CEP170B: variants seen among roughly 807,000 people sequenced by gnomAD.
CEP170B encodes the protein centrosomal protein 170B, also known as centrosomal protein of 170 kDa protein B.
CEP170B carries 55 observed loss-of-function variants against 120.6 expected under a neutral mutation model. The observed-to-expected ratio is 0.46, with a 90% CI of 0.37 to 0.57. The LOEUF (loss-of-function observed/expected upper bound fraction) is 0.57. Ranked by LOEUF, CEP170B falls within the 20% of genes least tolerant of loss-of-function variation. CEP170B has a pLI of 0.00. For synonymous variants in CEP170B, 1,033 were observed against 954.5 expected (o/e 1.08, Z -1.52); for missense variants, 2,212 against 2,253.3 (o/e 0.98, Z 0.37).
chr14:104,872,172 T>TGC (rs1895528230), intron 2 of CEP170B, among the ~76,000 whole-genome samples: 2 of 146,706 alleles, frequency 1.4e-5, no homozygotes, highest in South Asian at 2.2e-4. Context: ...GCCGCGTGTG[T>TGC]GTGCGTGTGT....
chr14:104,893,155 A>G lies in CEP170B; in HGVS notation c.4038+20A>G, dbSNP rs774231972. On this transcript the variant is annotated intron_variant, in intron 14 of 18. Transcript: ENST00000414716. ...GAGGAGGTGAGCCCCAGGCTTTCTG[A>G]GGCCCCTGTGCCAGAGCCACCCTCG... The G allele has an allele frequency of 6.9e-6, 11 of 1,601,242 alleles. No individual in the cohort carries two copies. The Admixed American group carries it at 1.7e-4, about 25-fold the overall frequency.
At chr14:104,876,035 C>T (rs992712368) in intron 2 of CEP170B, among the ~76,000 whole-genome samples, 2 of 151,922 alleles carry the variant, frequency 1.3e-5, no homozygotes, top group Non-Finnish European at 2.9e-5. Flanking sequence ...GGAGGGCGGT[C>T]ATGAGGGGAG....
chr14:104,892,218 C>T (rs1356232440), intron 13 of CEP170B, among the ~76,000 whole-genome samples: 2 of 152,134 alleles, frequency 1.3e-5, no homozygotes, highest in African/African-American at 4.8e-5. Context: ...AAGGGGCCAG[C>T]AGGACAGCTG....
In CEP170B at chr14:104,870,264, A is replaced by G. The variant is rs762807346; in HGVS notation, c.105+1709A>G. Among the ~76,000 whole-genome samples, 16 of 152,182 alleles carry G rather than the reference A, an allele frequency of 1.1e-4. No individual in the cohort carries two copies. Among genetic ancestry groups the G allele is most frequent in the Admixed American group, 1.3e-4 (2 of 15,288 alleles). ...TTCATTTATGGATGTTGAAGTATCA[A>G]TTTCCCATAATTTTCATGTGTCATG... On this transcript the variant is annotated intron_variant, in intron 2 of 18. Transcript: ENST00000414716. This position sits in a 1 kb window ranked among gnomAD's most constrained non-coding sequence, Gnocchi z 4.1.
intron 8 of CEP170B, 125 bp from the exon 9 acceptor site, chr14:104,883,704 TGG>T (rs145529614): frequency 1.8e-6 from 2 of 1,121,858 alleles, no homozygotes; most frequent in East Asian, 2.6e-5. Flanking sequence ...TTGCCCTGTG[TGG>T]GGGGGCCCTG....
intron 13 of CEP170B, among the ~76,000 whole-genome samples, chr14:104,892,068 G>A (rs1896876230): frequency 1.3e-5 from 2 of 152,240 alleles, no homozygotes; most frequent in South Asian, 4.1e-4. Context: ...TTGGGTGACT[G>A]CCAGTGTGGG....
In CEP170B at chr14:104,870,214, G is replaced by A. The variant is rs1261430005; in HGVS notation, c.105+1659G>A. Among the ~76,000 whole-genome samples, 1 of 152,218 alleles carries A rather than the reference G, an allele frequency of 6.6e-6. No homozygotes were observed. Among genetic ancestry groups the A allele is most frequent in the Non-Finnish European group, 1.5e-5 (1 of 68,040 alleles). On this transcript the variant is annotated intron_variant, in intron 2 of 18. Transcript: ENST00000414716. The surrounding 1 kb of genome is among the most constrained non-coding windows in gnomAD (Gnocchi z 4.1). ...AGCCAGGGAGCGAGCGTGGGCGACC[G>A]AGGTGGGCGCGGCAGCACCTGCACT...
chr14:104,886,072 G>C lies in CEP170B; in HGVS notation c.1977G>C (p.Gln659His), dbSNP rs1239988181. 1 of 1,546,686 alleles carries C rather than the reference G, an allele frequency of 6.5e-7. No individual in the cohort carries two copies. The highest frequency in any genetic ancestry group is 2.0e-5 in the Admixed American group (1 of 50,730). The change falls in exon 11 of 19, where the codon CAG (glutamine) becomes CAC (histidine). Residue 659 changes from glutamine (Q) to histidine (H), a missense_variant. Coordinates refer to ENST00000414716, the MANE Select transcript of CEP170B (RefSeq NM_001112726.3). ...GLPVPGSPGG[Q>H]KWVSRWASLA... The stretch of plus-strand genomic sequence containing the variant: ...CGGTGCCGGGCTCCCCTGGGGGTCA[G>C]AAGTGGGTGTCCCGCTGGGCCAGCC...
chr14:104,890,700 G>A, intron 13 of CEP170B, among the ~76,000 whole-genome samples: 1 of 65,906 alleles, frequency 1.5e-5, no homozygotes, highest in Non-Finnish European at 4.2e-5. Context: ...GTGGGTGGGT[G>A]GATGGATGGA....
At position 104,884,222 on chromosome 14, in the gene CEP170B, C is replaced by T. The variant is rs754795299; in HGVS notation, c.1443C>T (p.Pro481=). ...KTEERLGSPS[P]ASRTPARPFG... is the part of the protein sequence containing the mutation. Reference sequence around the variant, plus strand: ...AGGAACGGCTGGGCAGCCCCTCGCCCGCCTCCCGAACCCCTGCCCGCCCCT... The same window carrying T: ...AGGAACGGCTGGGCAGCCCCTCGCCTGCCTCCCGAACCCCTGCCCGCCCCT... Residue 481 remains proline, a synonymous_variant, in exon 9 of 19, where the codon CCC becomes CCT. Coordinates refer to ENST00000414716, the MANE Select transcript of CEP170B (RefSeq NM_001112726.3). The T allele has an allele frequency of 4.6e-5, 71 of 1,542,828 alleles. No homozygotes were observed. Among genetic ancestry groups the T allele is most frequent in the Middle Eastern group, 1.7e-4 (1 of 5,850 alleles).
Position 104,883,896 on chromosome 14 carries a change from G to A in CEP170B, c.1117G>A (p.Ala373Thr), listed in dbSNP as rs756546936. The change falls in exon 9 of 19, where the codon GCT becomes ACT. Residue 373 changes from alanine (A) to threonine (T), a missense_variant. By Grantham distance (58) the Ala-to-Thr change is moderately conservative. Transcript: ENST00000414716. ...CCCCCTGGCCAAGGCGGCCTCGGCCGCTGGGGTGCCCTTGGAGGCCAGCGG... is the reference window on the plus strand; with the variant it reads ...CCCCCTGGCCAAGGCGGCCTCGGCCACTGGGGTGCCCTTGGAGGCCAGCGG... ...EDPLAKAASA[A>T]GVPLEASGEQ... is the part of the protein sequence containing the mutation. 273 of 1,587,966 alleles carry A rather than the reference G, an allele frequency of 1.7e-4. No individual in the cohort carries two copies. The Admixed American group carries it at 2.9e-3, about 17-fold the overall frequency.
chr14:104,878,607 T>G, intron 5 of CEP170B, 106 bp downstream of exon 5: 2 of 1,242,140 alleles, frequency 1.6e-6, no homozygotes, highest in Non-Finnish European at 2.3e-6. Flanking sequence ...ACCAGGCCTC[T>G]GGGGCGCCCT....
chr14:104,883,244 G>T lies in CEP170B; in HGVS notation c.787G>T (p.Val263Leu), dbSNP rs1382160290. 3 of 1,611,284 alleles carry T rather than the reference G, an allele frequency of 1.9e-6. No individual in the cohort carries two copies. Among genetic ancestry groups the T allele is most frequent in the Non-Finnish European group, 2.5e-6 (3 of 1,179,582 alleles). ...EAGGGGAAPV[V>L]QSHASFTIEF... Reference sequence around the variant, plus strand: ...AGGTGGGGGCGGAGCGGCCCCTGTGGTGCAGAGCCACGCCTCCTTCACCAT... The same window carrying T: ...AGGTGGGGGCGGAGCGGCCCCTGTGTTGCAGAGCCACGCCTCCTTCACCAT... The change falls in exon 8 of 19, where the codon GTG becomes TTG. Residue 263 changes from valine (V) to leucine (L), a missense_variant. Val to Leu is a conservative substitution (Grantham distance 32). Around this residue, in one of 2 missense-constraint regions of CEP170B, gnomAD observed 2,166 missense variants for 2,166.7 expected, o/e 1.00. Coordinates refer to ENST00000414716, the MANE Select transcript of CEP170B (RefSeq NM_001112726.3).
In CEP170B at chr14:104,886,331, C is replaced by T. The variant is rs751628997; in HGVS notation, c.2092C>T (p.Arg698Trp). Residue 698 changes from arginine to tryptophan, a missense_variant, in exon 12 of 19, where the codon CGG (arginine) becomes TGG (tryptophan). Arg to Trp is a moderately radical substitution (Grantham distance 101). Transcript: ENST00000414716. Reference sequence around the variant, plus strand: ...GGAGGGGTCCCTGCCTGTGCGCATGCGGCGACGGCTCCCTCAGCTGCCCAG... The same window carrying T: ...GGAGGGGTCCCTGCCTGTGCGCATGTGGCGACGGCTCCCTCAGCTGCCCAG... ...EPEGSLPVRM[R>W]RRLPQLPSER... 1.1e-5 allele frequency: 17 copies of T among 1,555,910 alleles called. No homozygotes were observed. Among genetic ancestry groups the T allele is most frequent in the African/African-American group, 8.1e-5 (6 of 73,844 alleles).
rs555048969 is a variant in CEP170B at position 104,895,902 on chromosome 14, C to T, written c.*944C>T. 3 of 152,860 alleles carry T rather than the reference C, an allele frequency of 2.0e-5. No homozygotes were observed. The East Asian group carries it at 5.8e-4, about 29-fold the overall frequency. 9.5% of individuals were successfully genotyped at this position (152,860 alleles called of 1,614,324 possible). ...ACCACACGCCCTCCCCTTTTGGCTT[C>T]ACGCCATCAGGCCTCAAGTGGGCAT... is the stretch of plus-strand genomic sequence containing the variant. On this transcript the variant is annotated 3_prime_UTR_variant, in exon 19 of 19. Coordinates refer to ENST00000414716, the MANE Select transcript of CEP170B (RefSeq NM_001112726.3).
chr14:104,885,858 C>T (rs1464662491), intron 10 of CEP170B, among the ~76,000 whole-genome samples, 182 bp from the exon 11 acceptor site: 3 of 152,220 alleles, frequency 2.0e-5, no homozygotes, highest in Admixed American at 2.0e-4. Context: ...CAAGTCCAGG[C>T]GAGGCAACTG....
chr14:104,883,430 C>T lies in CEP170B; in HGVS notation c.973C>T (p.Leu325=), dbSNP rs1240969402. 2.5e-6 allele frequency: 4 copies of T among 1,569,936 alleles called. No individual in the cohort carries two copies. Among genetic ancestry groups the T allele is most frequent in the Admixed American group, 3.8e-5 (2 of 53,214 alleles). ...CTGGCTGGTGCAGAATGACCCGAGC[C>T]TGCTGCACCGGGTTGGCCCTGGGGA... The part of the protein sequence containing the change: ...ADWLVQNDPS[L]LHRVGPGDDR... The change falls in exon 8 of 19, where the codon CTG becomes TTG. Residue 325 remains leucine, a synonymous_variant. Coordinates refer to ENST00000414716, the MANE Select transcript of CEP170B (RefSeq NM_001112726.3).
At position 104,867,845 on chromosome 14, in the gene CEP170B, T is replaced by G. The variant is rs1895273008; in HGVS notation, c.-27-579T>G. 6.6e-6 allele frequency among the ~76,000 whole-genome samples: 1 copy of G among 152,020 alleles called. No homozygotes were observed. Among genetic ancestry groups the G allele is most frequent in the South Asian group, 2.1e-4 (1 of 4,802 alleles). ...CAAAGGACATTTGGCCTCCTCTCGG[T>G]GGTGGACATATTGCTGACTCAGGGC... On this transcript the variant is annotated intron_variant, in intron 1 of 18. Coordinates refer to ENST00000414716, the MANE Select transcript of CEP170B (RefSeq NM_001112726.3). This position sits in a 1 kb window ranked among gnomAD's most constrained non-coding sequence, Gnocchi z 5.4.
intron 10 of CEP170B, among the ~76,000 whole-genome samples, chr14:104,885,819 G>C (rs1488715280): frequency 6.6e-6 from 1 of 152,226 alleles, no homozygotes. Context: ...AGGCTGCCTG[G>C]GCTGGGCAGG....
Sources: gnomAD v4.1 joint callset for allele counts (sites outside exome capture counted in the v4.1 genomes callset) on GRCh38, gnomAD v4.1.1 for gene constraint, gnomAD v4.1.1 regional missense constraint, Gnocchi (gnomAD v3.1) non-coding constraint, MANE v1.5 for transcripts, NCBI Gene and HGNC (gene_info 2026-07-23, HGNC 2026-07-21) for gene names.